Variants in DOCK3 observed in about 807,000 individuals in gnomAD.
DOCK3 encodes the protein dedicator of cytokinesis protein 3.
A neutral mutation model predicts 265.6 loss-of-function variants in DOCK3; 60 were observed. The ratio of observed to expected loss-of-function variants is 0.23; its 90% CI spans 0.18 to 0.28. The LOEUF (loss-of-function observed/expected upper bound fraction) is 0.28. Ranked by LOEUF, DOCK3 falls within the 10% of genes least tolerant of loss-of-function variation. The probability of loss-of-function intolerance (pLI) is 1.00; values close to 1 mark genes in which losing one functional copy is unlikely to be tolerated. For synonymous variants in DOCK3, 881 were observed against 938.0 expected (o/e 0.94, Z 1.11); for missense variants, 1,981 against 2,594.3 (o/e 0.76, Z 5.14).
intron 4 of DOCK3, among the ~76,000 whole-genome samples, chr3:50,895,165 C>G (rs1434075580): frequency 6.7e-6 from 1 of 149,414 alleles, no homozygotes; most frequent in East Asian, 1.9e-4. Context: ...TTTATTTCAG[C>G]ATCCATATGA....
intron 2 of DOCK3, among the ~76,000 whole-genome samples, chr3:50,800,294 A>G (rs62258667): frequency 0.047 from 7,183 of 152,280 alleles, 238 homozygotes; most frequent in Non-Finnish European, 0.073. Context: ...AGAATGATAG[A>G]ATTCTTTGGT....
intron 1 of DOCK3, among the ~76,000 whole-genome samples, chr3:50,693,890 TG>T (rs2035433974): frequency 6.6e-6 from 1 of 152,210 alleles, no homozygotes; most frequent in African/African-American, 2.4e-5. Flanking sequence ...AACTGGTTTT[TG>T]CATGTTGATT....
chr3:50,928,408 T>A (rs1216033698), intron 4 of DOCK3, among the ~76,000 whole-genome samples: 1 of 152,154 alleles, frequency 6.6e-6, no homozygotes, highest in Non-Finnish European at 1.5e-5. Flanking sequence ...CATTTGTCTT[T>A]TTGTATCTGG....
intron 9 of DOCK3, among the ~76,000 whole-genome samples, chr3:51,095,190 G>T (rs1295438861): frequency 6.6e-6 from 1 of 152,060 alleles, no homozygotes; most frequent in African/African-American, 2.4e-5. Context: ...GTGTGAATTT[G>T]ATCCTGTCAT....
At chr3:51,101,135 A>C (rs1488020596) in intron 9 of DOCK3, among the ~76,000 whole-genome samples, 1 of 99,736 alleles carries the variant, frequency 1.0e-5, no homozygotes, top group African/African-American at 4.0e-5. Flanking sequence ...TTTTTTTGAG[A>C]CGGAGTCTCA....
intron 1 of DOCK3, among the ~76,000 whole-genome samples, chr3:50,775,562 A>G (rs533004257): frequency 6.6e-6 from 1 of 152,144 alleles, no homozygotes; most frequent in East Asian, 1.9e-4. Context: ...GATTTACGGT[A>G]GTGGAAGTTC....
chr3:51,069,543 T>C (rs1575961012), intron 6 of DOCK3, among the ~76,000 whole-genome samples: 1 of 151,602 alleles, frequency 6.6e-6, no homozygotes, highest in East Asian at 1.9e-4. Flanking sequence ...TGTATATATG[T>C]GTGTATATAT....
intron 5 of DOCK3, among the ~76,000 whole-genome samples, chr3:51,012,931 G>C (rs1271874047): frequency 6.6e-6 from 1 of 151,858 alleles, no homozygotes; most frequent in African/African-American, 2.4e-5. Flanking sequence ...TCTTCTACTT[G>C]ATCGAATCAG....
At chr3:50,847,473 G>A (rs2046136095) in intron 3 of DOCK3, among the ~76,000 whole-genome samples, 1 of 152,152 alleles carries the variant, frequency 6.6e-6, no homozygotes, top group South Asian at 2.1e-4. Context: ...GTGGTTGATG[G>A]GTGGAGTATT....
At chr3:51,128,504 A>T (rs1254701527) in intron 9 of DOCK3, among the ~76,000 whole-genome samples, 1 of 152,196 alleles carries the variant, frequency 6.6e-6, no homozygotes, top group Admixed American at 6.5e-5. Context: ...TAGCCGTAAA[A>T]GTGAGTGAAT....
intron 5 of DOCK3, among the ~76,000 whole-genome samples, chr3:51,021,420 C>T (rs2079587267): frequency 6.6e-6 from 1 of 152,126 alleles, no homozygotes; most frequent in Non-Finnish European, 1.5e-5. Context: ...ATTCTTTTAG[C>T]CAACAACATG....
chr3:51,234,682 T>C (rs917304724), intron 19 of DOCK3, among the ~76,000 whole-genome samples: 3 of 152,228 alleles, frequency 2.0e-5, no homozygotes, highest in African/African-American at 4.8e-5. Context: ...AGTCTCTCAC[T>C]TGGAGTCCAT....
At chr3:50,902,362 T>G (rs147821524) in intron 4 of DOCK3, among the ~76,000 whole-genome samples, 65 of 152,362 alleles carry the variant, frequency 4.3e-4, no homozygotes, top group African/African-American at 1.5e-3. Flanking sequence ...AATTTTTATG[T>G]AAGATGTAAG....
At chr3:51,015,053 C>G (rs1385125050) in intron 5 of DOCK3, among the ~76,000 whole-genome samples, 2 of 151,926 alleles carry the variant, frequency 1.3e-5, no homozygotes, top group Non-Finnish European at 2.9e-5. Flanking sequence ...TTAGGTTTTT[C>G]TAAATATAAG....
chr3:50,913,654 A>T (rs2049973671), intron 4 of DOCK3, among the ~76,000 whole-genome samples: 1 of 152,120 alleles, frequency 6.6e-6, no homozygotes, highest in Admixed American at 6.5e-5. Flanking sequence ...TTCTGGCTAC[A>T]GCTGGTTTAC....
intron 2 of DOCK3, among the ~76,000 whole-genome samples, chr3:50,830,183 A>G (rs1488239346): frequency 6.6e-6 from 1 of 152,184 alleles, no homozygotes; most frequent in Non-Finnish European, 1.5e-5. Flanking sequence ...AACTCCATAT[A>G]TTTTTATTGA....
intron 5 of DOCK3, among the ~76,000 whole-genome samples, chr3:50,985,789 T>C (rs1407263342): frequency 2.0e-5 from 3 of 151,864 alleles, no homozygotes; most frequent in Non-Finnish European, 4.4e-5. Flanking sequence ...TTTTCAGAAC[T>C]ATGGAGATAG....
chr3:51,339,306 A>G (rs1667956404), intron 37 of DOCK3, among the ~76,000 whole-genome samples: 1 of 152,164 alleles, frequency 6.6e-6, no homozygotes, highest in African/African-American at 2.4e-5. Context: ...TGAAGTCTCA[A>G]GGGTGACCTC....
intron 2 of DOCK3, among the ~76,000 whole-genome samples, chr3:50,809,276 G>T (rs1005654718): frequency 6.6e-6 from 1 of 152,130 alleles, no homozygotes; most frequent in Non-Finnish European, 1.5e-5. Context: ...GCTTGAGTAG[G>T]CTCCTCAAAA....
Sources: gnomAD v4.1 joint callset for allele counts (sites outside exome capture counted in the v4.1 genomes callset) on GRCh38, gnomAD v4.1.1 for gene constraint, MANE v1.5 for transcripts, NCBI Gene and HGNC (gene_info 2026-07-23, HGNC 2026-07-21) for gene names.